UNC5C: variants seen among roughly 807,000 people sequenced by gnomAD.
UNC5C encodes the protein unc-5 netrin receptor C.
Under a neutral mutation model 99.8 loss-of-function variants are expected in UNC5C, and 47 were observed. That is an observed-to-expected ratio of 0.47 (90% confidence interval 0.37 to 0.60). UNC5C has a LOEUF of 0.60. UNC5C is among the 20% of genes least tolerant of loss of function. UNC5C has a pLI of 0.00. For missense variants in UNC5C, 1,062 were observed against 1,165.9 expected, an observed-to-expected ratio of 0.91 and a Z score of 1.30; for synonymous variants, 487 against 452.2, an observed-to-expected ratio of 1.08 and a Z score of -0.98.
intron 1 of UNC5C, among the ~76,000 whole-genome samples, chr4:95,535,651 T>C (rs1033457127): frequency 6.6e-6 from 1 of 152,212 alleles, no homozygotes; most frequent in Non-Finnish European, 1.5e-5. Context: ...TTAGCACAAT[T>C]TATTCATCTT....
intron 1 of UNC5C, among the ~76,000 whole-genome samples, chr4:95,420,482 T>C (rs1285102621): frequency 6.6e-6 from 1 of 152,198 alleles, no homozygotes; most frequent in Non-Finnish European, 1.5e-5. Flanking sequence ...GATAAATATG[T>C]CCCAATAAAA....
At chr4:95,235,684 T>C (rs1203688479) in intron 7 of UNC5C, among the ~76,000 whole-genome samples, 1 of 152,186 alleles carries the variant, frequency 6.6e-6, no homozygotes, top group Non-Finnish European at 1.5e-5. Context: ...AGGGATCCAG[T>C]TTCAGCTTTC....
intron 2 of UNC5C, among the ~76,000 whole-genome samples, chr4:95,305,941 A>T (rs2149405862): frequency 6.6e-6 from 1 of 152,252 alleles, no homozygotes; most frequent in Non-Finnish European, 1.5e-5. Context: ...CATATGCTTA[A>T]TTTCATAATA....
At chr4:95,391,832 TTTGG>T (rs1241706521) in intron 1 of UNC5C, among the ~76,000 whole-genome samples, 1 of 151,120 alleles carries the variant, frequency 6.6e-6, no homozygotes, top group East Asian at 1.9e-4. Flanking sequence ...ATCCCAGCAC[TTTGG>T]GAGGCTGAGA....
intron 1 of UNC5C, among the ~76,000 whole-genome samples, chr4:95,541,329 C>A (rs1001362329): frequency 2.4e-4 from 36 of 152,044 alleles, no homozygotes; most frequent in Non-Finnish European, 3.8e-4. Context: ...AGACTCCCCA[C>A]CTGGTAGTCA....
chr4:95,328,516 C>T lies in UNC5C; in HGVS notation c.346+6894G>A, dbSNP rs561785194. 2.2e-3 allele frequency among the ~76,000 whole-genome samples: 309 copies of T among 141,180 alleles called. 2 individuals are homozygous for T. Among genetic ancestry groups the T allele is most frequent in the African/African-American group, 7.5e-3 (294 of 39,208 alleles). The allele number at this position is 141,180 out of a possible 152,430, so 92.6% of individuals were successfully genotyped here. A position where few individuals can be genotyped will look rare whatever the true frequency, so the allele number is the denominator to read the frequency against. ...GTCTTTGCTATTGTGAATAATGCCTCAATAAACATACGTGTGCATGTGTCT... is the reference window on the plus strand; with the variant it reads ...GTCTTTGCTATTGTGAATAATGCCTTAATAAACATACGTGTGCATGTGTCT... On this transcript the variant is annotated intron_variant, in intron 2 of 15. Coordinates refer to ENST00000453304, the MANE Select transcript of UNC5C (RefSeq NM_003728.4).
chr4:95,312,754 C>T (rs1457260217), intron 2 of UNC5C, among the ~76,000 whole-genome samples: 1 of 152,114 alleles, frequency 6.6e-6, no homozygotes, highest in East Asian at 1.9e-4. Flanking sequence ...ACACCCTCCT[C>T]TACAAAACTC....
intron 1 of UNC5C, among the ~76,000 whole-genome samples, chr4:95,497,544 A>T (rs896605017): frequency 6.6e-6 from 1 of 151,774 alleles, no homozygotes; most frequent in African/African-American, 2.4e-5. Context: ...TGTAGATAAG[A>T]CATGGGCTAT....
intron 7 of UNC5C, among the ~76,000 whole-genome samples, chr4:95,232,997 C>T (rs1484674838): frequency 6.6e-6 from 1 of 152,202 alleles, no homozygotes; most frequent in African/African-American, 2.4e-5. Context: ...AGCACCTTCT[C>T]AAATGCCTAC....
intron 1 of UNC5C, among the ~76,000 whole-genome samples, chr4:95,467,015 T>C (rs527476657): frequency 1.3e-5 from 2 of 152,226 alleles, no homozygotes; most frequent in Admixed American, 1.3e-4. Flanking sequence ...CCAGCTGTCA[T>C]GTAATGATGA....
intron 3 of UNC5C, among the ~76,000 whole-genome samples, chr4:95,297,471 A>G (rs1027055685): frequency 3.9e-5 from 6 of 152,220 alleles, no homozygotes; most frequent in Non-Finnish European, 8.8e-5. Flanking sequence ...TACTCTAGGT[A>G]TTGTGCTAAG....
chr4:95,254,984 G>A (rs1739900820), intron 4 of UNC5C, among the ~76,000 whole-genome samples: 3 of 151,050 alleles, frequency 2.0e-5, no homozygotes, highest in African/African-American at 7.3e-5. Flanking sequence ...ACACCACTGT[G>A]TGTTGTTTTT....
intron 1 of UNC5C, among the ~76,000 whole-genome samples, chr4:95,396,416 C>G (rs925174077): frequency 2.6e-5 from 4 of 152,128 alleles, no homozygotes; most frequent in African/African-American, 9.7e-5. Flanking sequence ...GGAAATATCT[C>G]TACTTGTAAT....
At chr4:95,411,184 T>C (rs1364216106) in intron 1 of UNC5C, among the ~76,000 whole-genome samples, 1 of 152,192 alleles carries the variant, frequency 6.6e-6, no homozygotes, top group Non-Finnish European at 1.5e-5. Context: ...TGTCTTCCAA[T>C]GTCTTGGCAT....
chr4:95,200,985 T>C (rs1349611021), intron 12 of UNC5C, among the ~76,000 whole-genome samples: 1 of 152,026 alleles, frequency 6.6e-6, no homozygotes, highest in African/African-American at 2.4e-5. Flanking sequence ...AGTAGCCTTG[T>C]AAGAGAGATC....
At chr4:95,319,688 A>G (rs1251890293) in intron 2 of UNC5C, among the ~76,000 whole-genome samples, 1 of 152,176 alleles carries the variant, frequency 6.6e-6, no homozygotes, top group Non-Finnish European at 1.5e-5. Context: ...GGAAGACAAC[A>G]TGATCCAGAG....
rs1335356819 is a variant in UNC5C at position 95,164,920 on chromosome 4, T to C, written c.*4314A>G. The C allele has an allele frequency of 6.6e-6, 1 of 152,276 alleles. No individual in the cohort carries two copies. The highest frequency in any genetic ancestry group is 1.5e-5 in the Non-Finnish European group (1 of 68,056). The allele number at this position is 152,276 out of a possible 1,614,324, so 9.4% of individuals were successfully genotyped here. The stretch of plus-strand genomic sequence containing the variant: ...TCTTGCAAGTCCTTATATAGGTTTA[T>C]ATTTTCCTGGCCCCATAGGGGCAGA... On this transcript the variant is annotated 3_prime_UTR_variant, in exon 16 of 16. Coordinates refer to ENST00000453304, the MANE Select transcript of UNC5C (RefSeq NM_003728.4).
intron 1 of UNC5C, among the ~76,000 whole-genome samples, chr4:95,351,960 C>T (rs866930954): frequency 1.3e-5 from 2 of 152,070 alleles, no homozygotes; most frequent in South Asian, 2.1e-4. Context: ...CACTCTATTG[C>T]TTCCTGTCCT....
At chr4:95,400,315 A>G (rs897511130) in intron 1 of UNC5C, among the ~76,000 whole-genome samples, 4 of 151,350 alleles carry the variant, frequency 2.6e-5, no homozygotes, top group Non-Finnish European at 2.9e-5. Flanking sequence ...GTGGGAGCTC[A>G]GAGCAGACCT....
Sources: allele counts gnomAD v4.1 joint callset (sites outside exome capture counted in the v4.1 genomes callset), GRCh38; gene constraint gnomAD v4.1.1; transcripts MANE v1.5; gene names NCBI Gene and HGNC (gene_info 2026-07-23, HGNC 2026-07-21).